The following SPOCK1 variants were observed in gnomAD, a reference collection of about 807,000 sequenced individuals.
The protein encoded by SPOCK1 is SPARC (osteonectin), cwcv and kazal like domains proteoglycan 1, also known as testican-1.
Under a neutral mutation model 55.3 loss-of-function variants are expected in SPOCK1, and 23 were observed. The ratio of observed to expected loss-of-function variants is 0.42; its 90% CI spans 0.30 to 0.59. The LOEUF is 0.59. SPOCK1 is among the 20% of genes least tolerant of loss of function. SPOCK1 has a pLI of 0.22. For missense variants in SPOCK1, 499 were observed against 552.5 expected, an observed-to-expected ratio of 0.90 and a Z score of 0.97; for synonymous variants, 226 against 221.0, an observed-to-expected ratio of 1.02 and a Z score of -0.20.
intron 7 of SPOCK1, among the ~76,000 whole-genome samples, chr5:136,991,550 G>A (rs1750947784): frequency 6.6e-6 from 1 of 152,294 alleles, no homozygotes; most frequent in Non-Finnish European, 1.5e-5. Context: ...CAATCCAGGA[G>A]CATTACTTTC....
At chr5:137,082,470 C>T (rs758673698) in intron 5 of SPOCK1, among the ~76,000 whole-genome samples, 2 of 152,082 alleles carry the variant, frequency 1.3e-5, no homozygotes, top group Non-Finnish European at 2.9e-5. Context: ...TGGGTGCAGT[C>T]AAGAGGGGTG....
intron 3 of SPOCK1, among the ~76,000 whole-genome samples, chr5:137,218,903 C>A (rs534690220): frequency 6.6e-6 from 1 of 152,246 alleles, no homozygotes; most frequent in South Asian, 2.1e-4. Context: ...AGAAAATCAT[C>A]AACAAGGAAA....
intron 3 of SPOCK1, among the ~76,000 whole-genome samples, chr5:137,154,680 C>T (rs998380775): frequency 3.9e-5 from 6 of 152,166 alleles, no homozygotes; most frequent in Non-Finnish European, 8.8e-5. Context: ...GCTGGCCTTG[C>T]TCCAGATCTG....
At chr5:136,991,766 A>T (rs1198252225) in intron 7 of SPOCK1, among the ~76,000 whole-genome samples, 1 of 152,248 alleles carries the variant, frequency 6.6e-6, no homozygotes, top group African/African-American at 2.4e-5. Flanking sequence ...AATTAAAGGC[A>T]TCAAAGAGAC....
intron 2 of SPOCK1, among the ~76,000 whole-genome samples, chr5:137,495,367 C>T (rs973234275): frequency 1.6e-4 from 24 of 152,148 alleles, no homozygotes; most frequent in African/African-American, 5.8e-4. Flanking sequence ...TCAAAGTTGA[C>T]CCTGTAACAA....
intron 2 of SPOCK1, among the ~76,000 whole-genome samples, chr5:137,327,749 T>TA (rs1370291511): frequency 1.2e-4 from 19 of 152,152 alleles, no homozygotes; most frequent in Admixed American, 5.2e-4. Flanking sequence ...ACATAGCTCT[T>TA]AGAGTCGCGG....
chr5:137,045,226 T>C (rs1450582799), intron 6 of SPOCK1, among the ~76,000 whole-genome samples: 25 of 140,236 alleles, frequency 1.8e-4, no homozygotes, highest in African/African-American at 6.8e-4. Flanking sequence ...CACACTGACT[T>C]CCACAATGGT....
chr5:137,244,495 G>A (rs1756357273), intron 3 of SPOCK1, among the ~76,000 whole-genome samples: 1 of 152,162 alleles, frequency 6.6e-6, no homozygotes, highest in Non-Finnish European at 1.5e-5. Context: ...AATTCTAGAT[G>A]CTTCCAAAAA....
intron 6 of SPOCK1, 89 bp downstream of exon 6, chr5:137,067,626 C>G (rs1752533138): frequency 8.9e-7 from 1 of 1,126,768 alleles, no homozygotes; most frequent in East Asian, 2.4e-5. Context: ...CCAGTTTGTT[C>G]CTAGTGCCTG....
chr5:137,386,993 A>C (rs1751611766), intron 2 of SPOCK1, among the ~76,000 whole-genome samples: 1 of 152,268 alleles, frequency 6.6e-6, no homozygotes, highest in African/African-American at 2.4e-5. Context: ...TAAAAAAATA[A>C]GTCAAAGACC....
intron 6 of SPOCK1, among the ~76,000 whole-genome samples, chr5:137,024,738 G>A (rs75737019): frequency 0.044 from 6,707 of 152,116 alleles, 182 homozygotes; most frequent in South Asian, 0.12. Context: ...TCCACTATAT[G>A]CTCCAGCAAT....
chr5:137,176,918 C>T (rs1754864414), intron 3 of SPOCK1, among the ~76,000 whole-genome samples: 1 of 152,142 alleles, frequency 6.6e-6, no homozygotes. Flanking sequence ...GGCAGAAGGG[C>T]AGTGACTAGG....
chr5:137,186,837 C>T (rs1580797129), intron 3 of SPOCK1, among the ~76,000 whole-genome samples: 1 of 152,136 alleles, frequency 6.6e-6, no homozygotes, highest in African/African-American at 2.4e-5. Context: ...CCTGTCACTC[C>T]ACTTCACAAA....
chr5:136,991,516 A>G (rs3756709), intron 7 of SPOCK1, among the ~76,000 whole-genome samples: 14,014 of 152,146 alleles, frequency 0.092, 895 homozygotes, highest in Non-Finnish European at 0.13. Context: ...TTGCTACTCT[A>G]ACTAACTTCT....
intron 2 of SPOCK1, among the ~76,000 whole-genome samples, chr5:137,397,280 ACTC>A (rs1170956159): frequency 6.6e-6 from 1 of 151,898 alleles, no homozygotes; most frequent in Non-Finnish European, 1.5e-5. Flanking sequence ...AGCCACGCAC[ACTC>A]CTCCTCGATG....
chr5:137,040,647 T>C (rs528110800), intron 6 of SPOCK1, among the ~76,000 whole-genome samples: 233 of 152,276 alleles, frequency 1.5e-3, no homozygotes, highest in Non-Finnish European at 2.1e-3. Context: ...TATGGTATGT[T>C]TGATGTTCTA....
At chr5:137,463,736 T>TCC in intron 2 of SPOCK1, among the ~76,000 whole-genome samples, 1 of 151,694 alleles carries the variant, frequency 6.6e-6, no homozygotes, top group East Asian at 1.9e-4. Flanking sequence ...GATCACAAGG[T>TCC]CAGGAGTTTA....
intron 2 of SPOCK1, among the ~76,000 whole-genome samples, chr5:137,423,580 G>C (rs1342481816): frequency 2.0e-5 from 3 of 152,196 alleles, no homozygotes; most frequent in Non-Finnish European, 4.4e-5. Flanking sequence ...GACCCTCTGA[G>C]CCAGGCGCGG....
At chr5:137,360,440 A>G (rs1750916636) in intron 2 of SPOCK1, among the ~76,000 whole-genome samples, 1 of 152,232 alleles carries the variant, frequency 6.6e-6, no homozygotes, top group African/African-American at 2.4e-5. Flanking sequence ...AGTGCTGCTG[A>G]ACCTTCAAAA....
Sources: allele counts gnomAD v4.1 joint callset (sites outside exome capture counted in the v4.1 genomes callset), GRCh38; gene constraint gnomAD v4.1.1; transcripts MANE v1.5; gene names NCBI Gene and HGNC (gene_info 2026-07-23, HGNC 2026-07-21).